The following WDR36 variants were observed in gnomAD, a reference collection of about 807,000 sequenced individuals.
The protein encoded by WDR36 is WD repeat-containing protein 36.
A neutral mutation model predicts 112.7 loss-of-function variants in WDR36; 63 were observed. That is an observed-to-expected ratio of 0.56 (90% CI 0.46 to 0.69). WDR36 has a LOEUF of 0.69. Among genes scored for constraint, WDR36 ranks in the 30% least tolerant of loss-of-function variants. The probability of loss-of-function intolerance (pLI) is 0.00; values close to 1 mark genes in which losing one functional copy is unlikely to be tolerated. For synonymous variants in WDR36, 410 were observed against 362.2 expected, an observed-to-expected ratio of 1.13 and a Z score of -1.50; for missense variants, 1,226 against 1,070.3, an observed-to-expected ratio of 1.15 and a Z score of -2.03.
chr5:111,104,622 A>C, intron 8 of WDR36, 75 bp from the exon 9 acceptor site: 1 of 1,605,598 alleles, frequency 6.2e-7, no homozygotes. Context: ...CAGTTGATTT[A>C]TGTAGGGGGT....
chr5:111,120,827 A>G (rs1331853345), intron 18 of WDR36, among the ~76,000 whole-genome samples, 169 bp from the exon 19 acceptor site: 1 of 152,166 alleles, frequency 6.6e-6, no homozygotes, highest in Non-Finnish European at 1.5e-5. Context: ...TGGGAGTTTT[A>G]GTTAATATGA....
chr5:111,109,925 C>A (rs1323158502), intron 12 of WDR36, among the ~76,000 whole-genome samples: 1 of 151,268 alleles, frequency 6.6e-6, no homozygotes, highest in East Asian at 1.9e-4. Context: ...TGACTTTGTA[C>A]ATTTAAATTG....
rs775697928 is a variant in WDR36, at chr5:111,125,751, C to G, written c.2494C>G (p.Arg832Gly). ...KMIGMMLDRK[R>G]DFELAQAYLA... ...GATTGGGATGATGCTGGACAGAAAG[C>G]GTGATTTTGAGTTAGCCCAGGCATA... The change falls in exon 22 of 23, where the codon CGT (arginine) becomes GGT (glycine). Residue 832 changes from arginine (R) to glycine (G), a missense_variant. Arg to Gly is a moderately radical substitution (Grantham distance 125, BLOSUM62 -2). Coordinates refer to ENST00000513710, the MANE Select transcript of WDR36 (RefSeq NM_139281.3). 2 of 1,613,764 alleles carry G rather than the reference C, an allele frequency of 1.2e-6. No homozygotes were observed. The highest frequency in any genetic ancestry group is 4.5e-5 in the East Asian group (2 of 44,848).
chr5:111,104,222 G>T lies in WDR36; in HGVS notation c.776G>T (p.Gly259Val). The T allele has an allele frequency of 6.2e-7, 1 of 1,611,760 alleles. No homozygotes were observed. The highest frequency in any genetic ancestry group is 8.5e-7 in the Non-Finnish European group (1 of 1,178,458). ...MAAGSPCGHIGLWDLEDKKLI... is the reference protein window; with the variant it reads ...MAAGSPCGHIVLWDLEDKKLI... ...GCTGGAAGCCCATGTGGCCATATTG[G>T]ACTCTGGGATCTAGAAGACAAAAAA... Residue 259 changes from glycine (G) to valine (V), a missense_variant, in exon 8 of 23, where the codon GGA (glycine) becomes GTA (valine). Physicochemically the swap from Gly to Val is moderately radical, Grantham distance 109. Coordinates refer to ENST00000513710, the MANE Select transcript of WDR36 (RefSeq NM_139281.3).
intron 19 of WDR36, among the ~76,000 whole-genome samples, chr5:111,123,487 ATTAC>A (rs917541126): frequency 6.6e-6 from 1 of 152,192 alleles, no homozygotes; most frequent in Admixed American, 6.5e-5. Context: ...GAAGTTTAAA[ATTAC>A]TTAATTGTTA....
At chr5:111,117,432 C>A (rs759495862) in intron 16 of WDR36, among the ~76,000 whole-genome samples, 1 of 152,194 alleles carries the variant, frequency 6.6e-6, no homozygotes, top group Non-Finnish European at 1.5e-5. Context: ...CAGTGTGTGT[C>A]CCATGAATCA....
intron 5 of WDR36, 76 bp downstream of exon 5, chr5:111,100,797 TC>T: frequency 7.0e-7 from 1 of 1,431,854 alleles, no homozygotes; most frequent in South Asian, 1.3e-5. Flanking sequence ...TACTTAAGTC[TC>T]ATTTCTCCCT....
chr5:111,113,052 A>ATTTTTTT (rs201180028), intron 15 of WDR36, 22 bp from the exon 16 acceptor site: 12 of 473,638 alleles, frequency 2.5e-5, no homozygotes, highest in Middle Eastern at 5.3e-4. Context: ...ATATATATAT[A>ATTTTTTT]TTTTTTTTTT....
intron 4 of WDR36, 94 bp downstream of exon 4, chr5:111,098,933 C>T: frequency 1.1e-6 from 1 of 923,338 alleles, no homozygotes; most frequent in Non-Finnish European, 1.7e-6. Context: ...AGAGATTTTG[C>T]CTGTAAATAG....
rs981916789 is a variant in WDR36, at chr5:111,120,235, T to G, written c.1905-261T>G. ...ACAATATATGAAATTTACTTTACCT[T>G]ATAAAATTATTATCTACTACTGGTC... On this transcript the variant is annotated intron_variant, in intron 17 of 22. Coordinates refer to ENST00000513710, the MANE Select transcript of WDR36 (RefSeq NM_139281.3). 4.6e-5 allele frequency among the ~76,000 whole-genome samples: 7 copies of G among 152,170 alleles called. No homozygotes were observed. The East Asian group carries it at 1.3e-3, about 29-fold the overall frequency.
intron 11 of WDR36, among the ~76,000 whole-genome samples, chr5:111,106,356 T>G (rs1753221661): frequency 6.6e-6 from 1 of 151,532 alleles, no homozygotes; most frequent in East Asian, 1.9e-4. Flanking sequence ...TTTGCTCTTC[T>G]GTATAACAGG....
chr5:111,105,241 A>T (rs1753200792), intron 9 of WDR36, 54 bp from the exon 10 acceptor site: 4 of 1,533,032 alleles, frequency 2.6e-6, no homozygotes, highest in Admixed American at 1.7e-5. Context: ...TGTGATTCAC[A>T]TAGTCCCTTG....
chr5:111,097,209 G>C (rs1376604987), intron 3 of WDR36, 30 bp downstream of exon 3: 2 of 1,522,498 alleles, frequency 1.3e-6, no homozygotes, highest in East Asian at 4.5e-5. Flanking sequence ...TTGTTTGTCA[G>C]TCAGTATTTG....
In WDR36 at chr5:111,104,143, G is replaced by A. The variant is rs985924958; in HGVS notation, c.731-34G>A. On this transcript the variant is annotated intron_variant, in intron 7 of 22. Transcript: ENST00000513710. The stretch of plus-strand genomic sequence containing the variant: ...CTTGTTTATTTTGGGGGATCTAGAA[G>A]TATTTTTCTTAATGTATTTTATTTT... 3 of 1,576,508 alleles carry A rather than the reference G, an allele frequency of 1.9e-6. No homozygotes were observed. In the African/African-American group the frequency reaches 4.1e-5, roughly 22 times the overall value.
intron 16 of WDR36, among the ~76,000 whole-genome samples, chr5:111,113,753 T>C (rs1266721342): frequency 3.3e-5 from 5 of 152,122 alleles, no homozygotes; most frequent in Non-Finnish European, 7.4e-5. Flanking sequence ...GTGGAGACTC[T>C]GAAGAGTCCC....
intron 19 of WDR36, among the ~76,000 whole-genome samples, chr5:111,121,661 A>G (rs1753568951): frequency 6.6e-6 from 1 of 152,126 alleles, no homozygotes; most frequent in African/African-American, 2.4e-5. Flanking sequence ...ATGTACCTGG[A>G]GAGTATGGTG....
chr5:111,096,976 TA>T (rs1312905143), intron 2 of WDR36, 102 bp from the exon 3 acceptor site: 2 of 743,344 alleles, frequency 2.7e-6, no homozygotes, highest in Admixed American at 4.7e-5. Flanking sequence ...TTTATTTATA[TA>T]TTTTTTTAAA....
intron 2 of WDR36, 34 bp from the exon 3 acceptor site, chr5:111,097,045 A>T (rs1472054006): frequency 1.3e-6 from 2 of 1,522,702 alleles, no homozygotes; most frequent in Admixed American, 3.3e-5. Context: ...CATCTTAAAA[A>T]TCCCTGTTTC....
chr5:111,098,029 C>G (rs750441456), intron 3 of WDR36, among the ~76,000 whole-genome samples: 1 of 152,134 alleles, frequency 6.6e-6, no homozygotes. Flanking sequence ...ATATGTATAA[C>G]CTATATGTGG....
Sources: gnomAD v4.1 joint callset for allele counts (sites outside exome capture counted in the v4.1 genomes callset) on GRCh38, gnomAD v4.1.1 for gene constraint, MANE v1.5 for transcripts, NCBI Gene and HGNC (gene_info 2026-07-23, HGNC 2026-07-21) for gene names.